Variants in DIAPH3 observed in about 807,000 individuals in gnomAD.
DIAPH3 encodes protein diaphanous homolog 3.
Under a neutral mutation model 144.3 loss-of-function variants are expected in DIAPH3, and 117 were observed. That is an observed-to-expected ratio of 0.81 (90% CI 0.70 to 0.95). The LOEUF (loss-of-function observed/expected upper bound fraction) is 0.95, where lower values mean the gene tolerates loss of function less well. DIAPH3 is among the 40% of genes least tolerant of loss of function. The probability of loss-of-function intolerance (pLI) is 0.00; values close to 1 mark genes in which losing one functional copy is unlikely to be tolerated. For synonymous variants in DIAPH3, 519 were observed against 488.9 expected, an observed-to-expected ratio of 1.06 and a Z score of -0.81; for missense variants, 1,421 against 1,412.7, an observed-to-expected ratio of 1.01 and a Z score of -0.09.
chr13:59,796,378 A>T (rs559291910), intron 25 of DIAPH3, among the ~76,000 whole-genome samples: 1 of 152,240 alleles, frequency 6.6e-6, no homozygotes, highest in Non-Finnish European at 1.5e-5. Flanking sequence ...CTGCTAGTTT[A>T]TGCATGTTAA....
At chr13:59,988,918 T>G (rs946254470) in intron 12 of DIAPH3, among the ~76,000 whole-genome samples, 1 of 151,862 alleles carries the variant, frequency 6.6e-6, no homozygotes, top group Non-Finnish European at 1.5e-5. Flanking sequence ...AGGGGCTGCC[T>G]TTGACATATA....
At chr13:60,012,789 G>A (rs2053365461) in intron 7 of DIAPH3, 1 of 160,832 alleles carries the variant, frequency 6.2e-6, no homozygotes. Context: ...ATGTATGAAA[G>A]GTGAAATAGG....
At chr13:60,115,402 C>T (rs933260119) in intron 2 of DIAPH3, among the ~76,000 whole-genome samples, 1 of 152,100 alleles carries the variant, frequency 6.6e-6, no homozygotes, top group Non-Finnish European at 1.5e-5. Context: ...TACTGAAATA[C>T]GCAATTTACT....
chr13:59,991,296 T>A, intron 11 of DIAPH3, 22 bp from the exon 12 acceptor site: 1 of 1,476,644 alleles, frequency 6.8e-7, no homozygotes, highest in Non-Finnish European at 9.5e-7. Flanking sequence ...AAGGAATATA[T>A]GGATTTATTT....
intron 25 of DIAPH3, among the ~76,000 whole-genome samples, chr13:59,800,998 C>A (rs2039874211): frequency 6.6e-6 from 1 of 152,064 alleles, no homozygotes; most frequent in Admixed American, 6.6e-5. Context: ...TGTTCCATAT[C>A]AAACCATAAA....
At chr13:59,901,962 C>G (rs2046459337) in intron 20 of DIAPH3, among the ~76,000 whole-genome samples, 1 of 152,158 alleles carries the variant, frequency 6.6e-6, no homozygotes, top group Non-Finnish European at 1.5e-5. Context: ...CCCGAATCAT[C>G]TAATGAGAGT....
At chr13:60,006,329 T>C (rs975788500) in intron 9 of DIAPH3, among the ~76,000 whole-genome samples, 23 of 152,170 alleles carry the variant, frequency 1.5e-4, no homozygotes, top group Non-Finnish European at 2.9e-5. Context: ...TCTCTTCCCT[T>C]ACAGTTTAAA....
chr13:59,763,984 A>G lies in DIAPH3; in HGVS notation c.3319+10205T>C, dbSNP rs1408340522. ...AGTAGTACCAGAAAGCCTGTTCTCT[A>G]GACTGTTCATTATATCCAGAGATGT... On this transcript the variant is annotated intron_variant, in intron 27 of 27. Transcript: ENST00000400324. 2.0e-5 allele frequency among the ~76,000 whole-genome samples: 3 copies of G among 151,922 alleles called. No individual in the cohort carries two copies. The East Asian group carries it at 5.9e-4, about 30-fold the overall frequency.
At chr13:60,023,887 G>T (rs1269433129) in intron 5 of DIAPH3, among the ~76,000 whole-genome samples, 5 of 107,080 alleles carry the variant, frequency 4.7e-5, no homozygotes, top group Non-Finnish European at 6.8e-5. Context: ...ACAGAGTCTC[G>T]CTCTGTCGCC....
chr13:59,785,196 C>T (rs747943067), intron 25 of DIAPH3, among the ~76,000 whole-genome samples: 7 of 152,064 alleles, frequency 4.6e-5, no homozygotes, highest in Non-Finnish European at 7.4e-5. Flanking sequence ...GGCTCAACCA[C>T]AAGAAGTGGA....
chr13:60,112,953 T>C (rs1200113360), intron 2 of DIAPH3, among the ~76,000 whole-genome samples: 2 of 152,202 alleles, frequency 1.3e-5, no homozygotes, highest in Admixed American at 6.5e-5. Context: ...ATACATTTCA[T>C]GACTAATACA....
At chr13:59,880,122 C>A (rs913018936) in intron 20 of DIAPH3, among the ~76,000 whole-genome samples, 5 of 152,104 alleles carry the variant, frequency 3.3e-5, no homozygotes, top group African/African-American at 7.2e-5. Context: ...GCCAAGTTAA[C>A]CCTGTCTGGG....
chr13:59,802,428 A>G (rs117850862), intron 25 of DIAPH3, among the ~76,000 whole-genome samples: 2,527 of 151,508 alleles, frequency 0.017, 76 homozygotes, highest in East Asian at 0.12. Flanking sequence ...AATTTTAATT[A>G]ATTTACTTAT....
At chr13:59,762,162 G>A (rs1164922116) in intron 27 of DIAPH3, among the ~76,000 whole-genome samples, 1 of 145,264 alleles carries the variant, frequency 6.9e-6, no homozygotes, top group Non-Finnish European at 1.5e-5. Context: ...GAGTTCAAGC[G>A]ATTCCCCTGC....
chr13:59,913,285 G>T (rs891548114), intron 19 of DIAPH3, among the ~76,000 whole-genome samples: 1 of 152,018 alleles, frequency 6.6e-6, no homozygotes, highest in Non-Finnish European at 1.5e-5. Context: ...TTAAGTGCGT[G>T]GTTCCAACCT....
At chr13:59,715,563 G>A (rs1000793526) in intron 27 of DIAPH3, among the ~76,000 whole-genome samples, 6 of 152,050 alleles carry the variant, frequency 3.9e-5, no homozygotes, top group Non-Finnish European at 2.9e-5. Flanking sequence ...TCCTAAGAGA[G>A]GTCAGTCTAT....
At position 60,024,431 on chromosome 13, in the gene DIAPH3, A is replaced by T. The variant is rs2054246385; in HGVS notation, c.627-8286T>A. Among the ~76,000 whole-genome samples, 4 of 152,000 alleles carry T rather than the reference A, an allele frequency of 2.6e-5. No homozygotes were observed. The South Asian group carries it at 8.3e-4, about 32-fold the overall frequency. ...TCAGTTATTGTATTTTTCACTTCTA[A>T]GATTTACATTTGGTTCTTTAAAAGA... On this transcript the variant is annotated intron_variant, in intron 5 of 27. Transcript: ENST00000400324.
At chr13:60,143,043 C>T (rs1951347144) in intron 1 of DIAPH3, among the ~76,000 whole-genome samples, 1 of 151,972 alleles carries the variant, frequency 6.6e-6, no homozygotes, top group Admixed American at 6.6e-5. Flanking sequence ...AGGTGTGAGT[C>T]CACCTCATCC....
intron 27 of DIAPH3, among the ~76,000 whole-genome samples, chr13:59,716,422 G>A (rs1217485471): frequency 5.9e-5 from 9 of 152,234 alleles, no homozygotes; most frequent in Non-Finnish European, 1.3e-4. Context: ...TGATCTGCCC[G>A]CCTTTGCCTC....
Sources: gnomAD v4.1 joint callset for allele counts (sites outside exome capture counted in the v4.1 genomes callset) on GRCh38, gnomAD v4.1.1 for gene constraint, MANE v1.5 for transcripts, NCBI Gene and HGNC (gene_info 2026-07-23, HGNC 2026-07-21) for gene names.